The following CCDC3 variants were observed in gnomAD, a reference collection of about 807,000 sequenced individuals.
CCDC3 encodes coiled-coil domain-containing protein 3.
Under a neutral mutation model 21.4 loss-of-function variants are expected in CCDC3, and 24 were observed. That is an observed-to-expected ratio of 1.12 (90% CI 0.81 to 1.58). The LOEUF is 1.58. Ranked by LOEUF, CCDC3 falls within the 40% of genes most tolerant of loss-of-function variation. The pLI is 0.00. For synonymous variants in CCDC3, 186 were observed against 166.0 expected, an observed-to-expected ratio of 1.12 and a Z score of -0.93; for missense variants, 425 against 360.9, an observed-to-expected ratio of 1.18 and a Z score of -1.44.
At chr10:13,094,450 T>C (rs1588423833) in intron 3 of CCDC3, among the ~76,000 whole-genome samples, 1 of 149,722 alleles carries the variant, frequency 6.7e-6, no homozygotes, top group South Asian at 2.1e-4. Context: ...AGAGATGGGG[T>C]TTCACCATGT....
At chr10:12,940,151 TATATC>T (rs1416131648) in intron 2 of CCDC3, among the ~76,000 whole-genome samples, 10 of 150,982 alleles carry the variant, frequency 6.6e-5, no homozygotes, top group Admixed American at 5.9e-4. Context: ...CAGCTTAAAA[TATATC>T]AGACTATTTC....
intron 5 of CCDC3, among the ~76,000 whole-genome samples, chr10:13,028,759 T>C (rs1158880278): frequency 6.6e-6 from 1 of 152,126 alleles, no homozygotes; most frequent in Non-Finnish European, 1.5e-5. Context: ...ATTTAGGAAA[T>C]AGCAGGATTG....
chr10:13,008,011 G>A (rs148381936), intron 5 of CCDC3, among the ~76,000 whole-genome samples: 2 of 152,240 alleles, frequency 1.3e-5, no homozygotes, highest in African/African-American at 4.8e-5. Flanking sequence ...CAGAGGAGTG[G>A]CCCACTATAG....
chr10:13,024,170 C>A (rs542448670), intron 5 of CCDC3, among the ~76,000 whole-genome samples: 1 of 152,030 alleles, frequency 6.6e-6, no homozygotes, highest in Admixed American at 6.6e-5. Context: ...ACTTCCTCCC[C>A]ATAGAAGTTT....
In CCDC3 at chr10:13,044,718, A is replaced by G. The variant is rs368521185; in HGVS notation, c.-2+4956T>C. Among the ~76,000 whole-genome samples the G allele has an allele frequency of 7.2e-4, 109 of 152,216 alleles. No individual in the cohort carries two copies. In the Middle Eastern group the frequency reaches 0.014, roughly 19 times the overall value. On this transcript the variant is annotated intron_variant, in intron 5 of 6. Transcript: ENST00000378839. ...CATTGGTCTATGTGTTTGTTTTTGT[A>G]CCAGTACTATGCAGCTTTATATTAT...
At chr10:12,903,786 A>G (rs1834128431) in intron 2 of CCDC3, among the ~76,000 whole-genome samples, 1 of 152,238 alleles carries the variant, frequency 6.6e-6, no homozygotes, top group South Asian at 2.1e-4. Context: ...TTAGGCTGGG[A>G]TATCCATACT....
At chr10:13,070,033 G>T (rs1836864265) in intron 4 of CCDC3, among the ~76,000 whole-genome samples, 2 of 152,178 alleles carry the variant, frequency 1.3e-5, no homozygotes, top group African/African-American at 4.8e-5. Context: ...CTCATGAAAA[G>T]ATGAAATGTT....
intron 5 of CCDC3, among the ~76,000 whole-genome samples, chr10:13,016,296 AT>A (rs1444847660): frequency 2.1e-5 from 3 of 140,702 alleles, no homozygotes; most frequent in Non-Finnish European, 3.1e-5. Flanking sequence ...TGAGCTCAAG[AT>A]TTTCTTTTTC....
intron 2 of CCDC3, among the ~76,000 whole-genome samples, chr10:12,945,781 T>C (rs1040633549): frequency 9.9e-5 from 15 of 152,240 alleles, no homozygotes; most frequent in African/African-American, 3.6e-4. Flanking sequence ...TCATTTCTAG[T>C]AAAAAGAACT....
chr10:12,914,094 T>G (rs1448536202), intron 2 of CCDC3, among the ~76,000 whole-genome samples: 3 of 152,224 alleles, frequency 2.0e-5, no homozygotes, highest in African/African-American at 4.8e-5. Flanking sequence ...TGATGCCATG[T>G]ACGGTGAGTT....
At chr10:13,033,066 C>T (rs10796004) in intron 5 of CCDC3, among the ~76,000 whole-genome samples, 64,156 of 152,026 alleles carry the variant, frequency 0.42, 15,072 homozygotes, top group Non-Finnish European at 0.53. Flanking sequence ...AAGCTGGAGG[C>T]ATCATGCTAC....
intron 2 of CCDC3, among the ~76,000 whole-genome samples, chr10:12,977,622 G>A (rs1225927429): frequency 6.6e-6 from 1 of 152,174 alleles, no homozygotes; most frequent in African/African-American, 2.4e-5. Context: ...AACCCTCACA[G>A]AGCCTTTCAA....
At chr10:12,899,765 C>A (rs922613959) in intron 2 of CCDC3, among the ~76,000 whole-genome samples, 7 of 146,580 alleles carry the variant, frequency 4.8e-5, no homozygotes, top group African/African-American at 1.4e-4. Context: ...CATACACTAT[C>A]TCTGGGAGCA....
At chr10:13,046,589 C>A (rs1163258517) in intron 5 of CCDC3, among the ~76,000 whole-genome samples, 9 of 151,766 alleles carry the variant, frequency 5.9e-5, no homozygotes, top group Non-Finnish European at 1.0e-4. Context: ...TGCCTGTAAT[C>A]CCAGCTACTC....
intron 5 of CCDC3, among the ~76,000 whole-genome samples, chr10:13,033,855 A>C (rs1269858058): frequency 6.6e-6 from 1 of 152,224 alleles, no homozygotes; most frequent in Admixed American, 6.5e-5. Flanking sequence ...GGTGTTGGAG[A>C]GGATGTGGAG....
intron 5 of CCDC3, among the ~76,000 whole-genome samples, chr10:13,038,304 G>A (rs1024445005): frequency 2.7e-5 from 4 of 150,288 alleles, no homozygotes; most frequent in South Asian, 2.1e-4. Context: ...AGCAAACCAC[G>A]GTGACACACA....
chr10:12,930,774 C>T (rs1008809597), intron 2 of CCDC3, among the ~76,000 whole-genome samples: 1 of 152,172 alleles, frequency 6.6e-6, no homozygotes, highest in Admixed American at 6.5e-5. Flanking sequence ...TCTCCCACAA[C>T]AAAGAATCAC....
In CCDC3 at chr10:12,923,047, T is replaced by C. The variant is rs575359935; in HGVS notation, c.550-24368A>G. On this transcript the variant is annotated intron_variant, in intron 2 of 2. Coordinates refer to ENST00000378825, the MANE Select transcript of CCDC3 (RefSeq NM_031455.4). ...ACATCACTTATTTTTAAAAGTCATTTGGGGGAAGAAGACCATCTGGATGCT... is the reference window on the plus strand; with the variant it reads ...ACATCACTTATTTTTAAAAGTCATTCGGGGGAAGAAGACCATCTGGATGCT... Among the ~76,000 whole-genome samples the C allele has an allele frequency of 2.0e-5, 3 of 152,318 alleles. No homozygotes were observed. The South Asian group carries it at 6.2e-4, about 32-fold the overall frequency.
intron 2 of CCDC3, among the ~76,000 whole-genome samples, chr10:12,937,447 T>C (rs757896409): frequency 2.6e-5 from 4 of 152,192 alleles, no homozygotes; most frequent in Admixed American, 1.3e-4. Context: ...TGTCACGTTC[T>C]ATCTCAATGT....
Sources: allele counts gnomAD v4.1 joint callset (sites outside exome capture counted in the v4.1 genomes callset), GRCh38; gene constraint gnomAD v4.1.1; transcripts MANE v1.5; gene names NCBI Gene and HGNC (gene_info 2026-07-23, HGNC 2026-07-21).